LRRFIP1: variants seen among roughly 807,000 people sequenced by gnomAD.
The protein encoded by LRRFIP1 is leucine-rich repeat flightless-interacting protein 1.
In LRRFIP1, 62 loss-of-function variants were observed where a neutral mutation model predicts 104.4. The observed-to-expected ratio is 0.59, with a 90% confidence interval of 0.48 to 0.73. LRRFIP1 has a LOEUF of 0.73. Ranked by LOEUF, LRRFIP1 falls within the 30% of genes least tolerant of loss-of-function variation. The probability of loss-of-function intolerance (pLI) is 0.00; values close to 1 mark genes in which losing one functional copy is unlikely to be tolerated. For missense variants in LRRFIP1, 796 were observed against 824.5 expected (o/e 0.97, Z 0.42); for synonymous variants, 300 against 299.0 (o/e 1.00, Z -0.03).
At chr2:237,763,591 G>A (rs769377693) in intron 19 of LRRFIP1, 3 of 1,613,354 alleles carry the variant, frequency 1.9e-6, no homozygotes, top group Non-Finnish European at 2.5e-6. Flanking sequence ...AAAACGAGGT[G>A]ACTGAAAATC....
intron 3 of LRRFIP1, among the ~76,000 whole-genome samples, chr2:237,716,995 AAACATT>A (rs1316183643): frequency 1.3e-5 from 2 of 152,006 alleles, no homozygotes; most frequent in Non-Finnish European, 2.9e-5. Context: ...AACTCTTTTA[AAACATT>A]ATGAAATTTT....
chr2:237,708,535 C>T lies in LRRFIP1; in HGVS notation c.97-9C>T. 5.1e-6 allele frequency: 8 copies of T among 1,559,304 alleles called. No homozygotes were observed. The highest frequency in any genetic ancestry group is 1.9e-4 in the Middle Eastern group (1 of 5,290). Reference sequence around the variant, plus strand: ...TCTGTCCTCTAATAAGATGCCCTGTCCGTTTCAGGCGGAAGCCCGGCTCGC... The same window carrying T: ...TCTGTCCTCTAATAAGATGCCCTGTTCGTTTCAGGCGGAAGCCCGGCTCGC... On this transcript the variant is annotated splice_polypyrimidine_tract_variant and intron_variant, in intron 1 of 23. Transcript: ENST00000308482.
chr2:237,764,106 AG>A, intron 19 of LRRFIP1: 6 of 1,614,238 alleles, frequency 3.7e-6, no homozygotes, highest in Non-Finnish European at 5.1e-6. Flanking sequence ...GGGAATGAGA[AG>A]GGCAAAAGCA....
At chr2:237,769,814 C>T in intron 19 of LRRFIP1, 129 bp from the exon 20 acceptor site, 1 of 738,610 alleles carries the variant, frequency 1.4e-6, no homozygotes. Flanking sequence ...GCCTCATTCA[C>T]CGTGGTACGT....
At chr2:237,667,649 T>C (rs1200065414) in intron 1 of LRRFIP1, among the ~76,000 whole-genome samples, 4 of 152,224 alleles carry the variant, frequency 2.6e-5, no homozygotes, top group Admixed American at 2.6e-4. Context: ...TCCACAATGG[T>C]TGAACTAATT....
intron 8 of LRRFIP1, among the ~76,000 whole-genome samples, chr2:237,732,332 G>A (rs1262976654): frequency 6.6e-6 from 1 of 152,164 alleles, no homozygotes; most frequent in East Asian, 1.9e-4. Flanking sequence ...CTGATTACAG[G>A]GACTCTCCGG....
At chr2:237,682,790 A>G (rs983668179) in intron 1 of LRRFIP1, among the ~76,000 whole-genome samples, 1 of 152,220 alleles carries the variant, frequency 6.6e-6, no homozygotes, top group Non-Finnish European at 1.5e-5. Context: ...ACTGGATGAA[A>G]GAAGAAGGCA....
intron 15 of LRRFIP1, among the ~76,000 whole-genome samples, chr2:237,753,709 T>C (rs1370309317): frequency 6.6e-6 from 1 of 151,016 alleles, no homozygotes; most frequent in Admixed American, 6.6e-5. Flanking sequence ...GGAGGATCAC[T>C]TGAGCCTGGA....
At chr2:237,687,313 G>C (rs2092443255) in intron 1 of LRRFIP1, among the ~76,000 whole-genome samples, 1 of 152,134 alleles carries the variant, frequency 6.6e-6, no homozygotes, top group Admixed American at 6.5e-5. Context: ...TAGTCAAAGG[G>C]ATCCAAATAG....
chr2:237,764,042 C>G (rs776629736), intron 19 of LRRFIP1: 3 of 1,614,006 alleles, frequency 1.9e-6, no homozygotes, highest in Non-Finnish European at 2.5e-6. Context: ...CTTGTCGGCA[C>G]CAGGAAGAGA....
At chr2:237,681,714 C>T (rs2091855373) in intron 1 of LRRFIP1, among the ~76,000 whole-genome samples, 2 of 48,008 alleles carry the variant, frequency 4.2e-5, no homozygotes, top group Admixed American at 2.9e-4. Context: ...GAGTCTCGCT[C>T]TGTCGCCCAG....
Position 237,751,794 on chromosome 2 carries a change from G to A in LRRFIP1, c.867+523G>A, listed in dbSNP as rs184806258. On this transcript the variant is annotated intron_variant, in intron 14 of 23. Coordinates refer to ENST00000308482, the MANE Select transcript of LRRFIP1 (RefSeq NM_001137550.2). ...ACTATGGCATTGGCTTTCTTGGAGC[G>A]TGTGCACACTGCTTTTAGAGTGTGC... Among the ~76,000 whole-genome samples the A allele has an allele frequency of 2.3e-3, 345 of 152,316 alleles. 4 individuals are homozygous for A. Among genetic ancestry groups the A allele is most frequent in the African/African-American group, 7.4e-3 (308 of 41,568 alleles).
intron 1 of LRRFIP1, among the ~76,000 whole-genome samples, chr2:237,695,443 C>T (rs1419967496): frequency 1.3e-5 from 2 of 152,192 alleles, no homozygotes; most frequent in South Asian, 2.1e-4. Flanking sequence ...AATTGTGAGA[C>T]TAAATGTTGG....
intron 2 of LRRFIP1, 31 bp from the exon 3 acceptor site, chr2:237,714,228 C>A (rs772747070): frequency 1.3e-6 from 2 of 1,535,998 alleles, no homozygotes; most frequent in South Asian, 2.4e-5. Context: ...TTGGATTTTA[C>A]ATTTCTTTTT....
intron 1 of LRRFIP1, among the ~76,000 whole-genome samples, chr2:237,670,875 A>G (rs908242323): frequency 6.6e-6 from 1 of 152,198 alleles, no homozygotes; most frequent in Non-Finnish European, 1.5e-5. Context: ...GAACGTCTGG[A>G]ACATCCTCAG....
At chr2:237,698,326 G>A (rs1251069572) in intron 1 of LRRFIP1, among the ~76,000 whole-genome samples, 2 of 152,240 alleles carry the variant, frequency 1.3e-5, no homozygotes, top group Non-Finnish European at 2.9e-5. Context: ...CAAAAACCGA[G>A]TAACTTATCC....
intron 1 of LRRFIP1, among the ~76,000 whole-genome samples, chr2:237,696,977 C>T (rs2093229697): frequency 1.3e-5 from 2 of 152,192 alleles, no homozygotes; most frequent in South Asian, 4.1e-4. Context: ...TGTTCTCTGC[C>T]TGGTAATTTC....
chr2:237,659,157 C>T (rs1454280509), intron 1 of LRRFIP1, among the ~76,000 whole-genome samples: 1 of 151,966 alleles, frequency 6.6e-6, no homozygotes, highest in Non-Finnish European at 1.5e-5. Context: ...GCAGTGGTGC[C>T]ATCACAGCTT....
At position 237,666,677 on chromosome 2, in the gene LRRFIP1, G is replaced by A. The variant is rs369637692; in HGVS notation, c.96+38937G>A. 3.3e-4 allele frequency among the ~76,000 whole-genome samples: 50 copies of A among 152,184 alleles called. No homozygotes were observed. In the South Asian group the frequency reaches 8.3e-3, roughly 25 times the overall value. On this transcript the variant is annotated intron_variant, in intron 1 of 23. Transcript: ENST00000308482. ...CCTGCTGGTACTGCAGAAGCCACAC[G>A]GAGTGAAGAGACATGTCCTTGACGT...
Sources: allele counts gnomAD v4.1 joint callset (sites outside exome capture counted in the v4.1 genomes callset), GRCh38; gene constraint gnomAD v4.1.1; transcripts MANE v1.5; gene names NCBI Gene and HGNC (gene_info 2026-07-23, HGNC 2026-07-21).